The following PTCD3 variants were observed in gnomAD, a reference collection of about 807,000 sequenced individuals.
PTCD3 encodes the protein small ribosomal subunit protein mS39.
Under a neutral mutation model 101.9 loss-of-function variants are expected in PTCD3, and 89 were observed. The ratio of observed to expected loss-of-function variants is 0.87; its 90% confidence interval spans 0.74 to 1.04. PTCD3 has a LOEUF of 1.04. PTCD3 is among the 50% of genes least tolerant of loss of function. The pLI, the probability that PTCD3 is intolerant of heterozygous loss-of-function variation, is 0.00. For synonymous variants in PTCD3, 296 were observed against 278.5 expected (o/e 1.06, Z -0.63); for missense variants, 870 against 828.2 (o/e 1.05, Z -0.62).
chr2:86,133,156 A>G (rs1037463253), intron 17 of PTCD3, 22 bp from the exon 18 acceptor site: 2 of 1,610,756 alleles, frequency 1.2e-6, no homozygotes, highest in Non-Finnish European at 1.7e-6. Context: ...TAGACTAAAC[A>G]TACTTTTTGC....
At chr2:86,123,344 T>C (rs909094572) in intron 8 of PTCD3, among the ~76,000 whole-genome samples, 2 of 152,172 alleles carry the variant, frequency 1.3e-5, no homozygotes, top group Non-Finnish European at 1.5e-5. Context: ...GCTTTCACCC[T>C]AATTATGACA....
chr2:86,127,514 G>C lies in PTCD3; in HGVS notation c.1096+209G>C, dbSNP rs911465591. ...TGTTCATTAGTATTTTAGGTACTTT[G>C]TTTATGGATCTGTTGAATCTGAGGA... On this transcript the variant is annotated intron_variant, in intron 13 of 23. Transcript: ENST00000254630. 3 of 558,648 alleles carry C rather than the reference G, an allele frequency of 5.4e-6. No homozygotes were observed. In the African/African-American group the frequency reaches 5.7e-5, roughly 11 times the overall value. 34.6% of individuals were successfully genotyped at this position (558,648 alleles called of 1,614,324 possible).
At chr2:86,130,941 G>C in intron 15 of PTCD3, 137 bp from the exon 16 acceptor site, 2 of 1,399,738 alleles carry the variant, frequency 1.4e-6, no homozygotes, top group Admixed American at 2.8e-5. Flanking sequence ...GTACATTCCT[G>C]CCTCTCTTAA....
chr2:86,138,649 C>G lies in PTCD3; in HGVS notation c.*1090C>G, dbSNP rs1485066811. 3.5e-5 allele frequency: 5 copies of G among 144,680 alleles called. No individual in the cohort carries two copies. The highest frequency in any genetic ancestry group is 1.5e-5 in the Non-Finnish European group (1 of 66,808). 9.0% of individuals were successfully genotyped at this position (144,680 alleles called of 1,614,324 possible). A position where few individuals can be genotyped will look rare whatever the true frequency, so the allele number is the denominator to read the frequency against. The stretch of plus-strand genomic sequence containing the variant: ...TGGTTTTTGTTTTCTCTTGGAATGT[C>G]AGGTCTTAAGGCATTTAATTGAGGG... On this transcript the variant is annotated 3_prime_UTR_variant, in exon 24 of 24. Transcript: ENST00000254630.
At position 86,138,013 on chromosome 2, in the gene PTCD3, G is replaced by C. The variant is rs1374892286; in HGVS notation, c.*454G>C. On this transcript the variant is annotated 3_prime_UTR_variant, in exon 24 of 24. Transcript: ENST00000254630. The stretch of plus-strand genomic sequence containing the variant: ...TAACACAGTTGGGGTTGGGTCAATA[G>C]TTTCCCAATTTCAGGATATTTCGAT... The C allele has an allele frequency of 1.3e-5, 2 of 159,856 alleles. No individual in the cohort carries two copies. The highest frequency in any genetic ancestry group is 4.8e-5 in the African/African-American group (2 of 41,750). The allele number at this position is 159,856 out of a possible 1,614,324, so 9.9% of individuals were successfully genotyped here.
At position 86,133,200 on chromosome 2, in the gene PTCD3, T is replaced by A; in HGVS notation, c.1396T>A (p.Cys466Ser). ...CAGTTCCAAGTTCTTCGATTTGATT[T>A]GTCTAATGGAACAAATTGATGTTAC... ...FYYSKFFDLI[C>S]LMEQIDVTLK... The change falls in exon 18 of 24, where the codon TGT becomes AGT. Residue 466 changes from cysteine to serine, a missense_variant. By Grantham distance (112) the Cys-to-Ser change is moderately radical. Coordinates refer to ENST00000254630, the MANE Select transcript of PTCD3 (RefSeq NM_017952.6). 1 of 1,614,066 alleles carries A rather than the reference T, an allele frequency of 6.2e-7. No homozygotes were observed. The highest frequency in any genetic ancestry group is 8.5e-7 in the Non-Finnish European group (1 of 1,179,988).
chr2:86,119,885 G>A (rs1200350693), intron 7 of PTCD3, among the ~76,000 whole-genome samples: 1 of 152,160 alleles, frequency 6.6e-6, no homozygotes. Flanking sequence ...AGCTACACAC[G>A]TAAATAGCAC....
chr2:86,121,360 C>T, intron 7 of PTCD3, 119 bp from the exon 8 acceptor site: 3 of 592,130 alleles, frequency 5.1e-6, no homozygotes, highest in Non-Finnish European at 8.8e-6. Flanking sequence ...TAGTGGACAA[C>T]ATTAAGTGTG....
chr2:86,136,935 T>G (rs1004667090), intron 22 of PTCD3, 47 bp from the exon 23 acceptor site: 18 of 1,607,708 alleles, frequency 1.1e-5, no homozygotes, highest in Non-Finnish European at 1.4e-5. Context: ...TATAAATGTT[T>G]TACTGAAGGG....
Position 86,117,142 on chromosome 2 carries a change from G to A in PTCD3, c.397G>A (p.Ala133Thr). Residue 133 changes from alanine to threonine, a missense_variant, in exon 6 of 24, where the codon GCT (alanine) becomes ACT (threonine). Coordinates refer to ENST00000254630, the MANE Select transcript of PTCD3 (RefSeq NM_017952.6). ...CCCCAAATATTTTCAGAAGGACATA[G>A]CTGAACCTCATATACCGGTAAGGAG... ...SYPKYFQKDIAEPHIPCLMPE... is the reference protein window; with the variant it reads ...SYPKYFQKDITEPHIPCLMPE... The A allele has an allele frequency of 7.8e-7, 1 of 1,281,480 alleles. No homozygotes were observed. Among genetic ancestry groups the A allele is most frequent in the Non-Finnish European group, 1.1e-6 (1 of 877,134 alleles). 79.4% of individuals were successfully genotyped at this position (1,281,480 alleles called of 1,614,324 possible).
chr2:86,128,616 C>T (rs528780965), intron 14 of PTCD3, among the ~76,000 whole-genome samples: 1 of 152,260 alleles, frequency 6.6e-6, no homozygotes, highest in African/African-American at 2.4e-5. Flanking sequence ...AGTTTGTGGA[C>T]GTTTCTGCTC....
chr2:86,129,622 A>G (rs1273302089), intron 14 of PTCD3, among the ~76,000 whole-genome samples: 1 of 152,208 alleles, frequency 6.6e-6, no homozygotes, highest in Non-Finnish European at 1.5e-5. Context: ...AGCCTAGGTG[A>G]CAGAGCAAGA....
chr2:86,116,507 A>G, intron 4 of PTCD3, 23 bp from the exon 5 acceptor site: 1 of 1,573,714 alleles, frequency 6.4e-7, no homozygotes. Flanking sequence ...AAATATAGAA[A>G]TTGTATTATG....
intron 1 of PTCD3, among the ~76,000 whole-genome samples, chr2:86,106,871 ATCTGTGTAATTTTT>A (rs1260818127): frequency 6.6e-6 from 1 of 152,150 alleles, no homozygotes; most frequent in African/African-American, 2.4e-5. Flanking sequence ...TGTATGACCT[ATCTGTGTAATTTTT>A]TTTTCACTCA....
chr2:86,108,577 G>T (rs775614304), intron 3 of PTCD3, 41 bp downstream of exon 3: 36 of 1,547,418 alleles, frequency 2.3e-5, no homozygotes, highest in Non-Finnish European at 3.1e-5. Flanking sequence ...ATGGTTGAGT[G>T]CTTACTATGA....
At chr2:86,129,243 C>G (rs573442442) in intron 14 of PTCD3, among the ~76,000 whole-genome samples, 5 of 152,324 alleles carry the variant, frequency 3.3e-5, no homozygotes, top group Admixed American at 6.5e-5. Context: ...TAACTCTCAT[C>G]ACTGGTTCAA....
intron 22 of PTCD3, chr2:86,136,769 C>G: frequency 2.5e-6 from 2 of 800,666 alleles, no homozygotes; most frequent in East Asian, 4.9e-5. Context: ...TTGAATAGAT[C>G]ATCATGAAGT....
intron 15 of PTCD3, 22 bp from the exon 16 acceptor site, chr2:86,131,056 T>C (rs1319928128): frequency 1.6e-5 from 25 of 1,599,392 alleles, no homozygotes; most frequent in Non-Finnish European, 2.0e-5. Flanking sequence ...TAACCAAAGC[T>C]CTTGTGAACT....
chr2:86,125,807 C>T lies in PTCD3; in HGVS notation c.878C>T (p.Thr293Ile), dbSNP rs757529943. 12 of 1,605,272 alleles carry T rather than the reference C, an allele frequency of 7.5e-6. No homozygotes were observed. In the South Asian group the frequency reaches 1.1e-4, roughly 15 times the overall value. ...TATTATTTTACAGCTGATGTATACACATTTAATGCATTGATTGAAGCAACA... is the reference window on the plus strand; with the variant it reads ...TATTATTTTACAGCTGATGTATACATATTTAATGCATTGATTGAAGCAACA... ...LNNRLHADVY[T>I]FNALIEATVC... Residue 293 changes from threonine (T) to isoleucine (I), a missense_variant, in exon 12 of 24, where the codon ACA becomes ATA. Thr to Ile is a moderately conservative substitution (Grantham distance 89). Transcript: ENST00000254630.
Sources: gnomAD v4.1 joint callset for allele counts (sites outside exome capture counted in the v4.1 genomes callset) on GRCh38, gnomAD v4.1.1 for gene constraint, MANE v1.5 for transcripts, NCBI Gene and HGNC (gene_info 2026-07-23, HGNC 2026-07-21) for gene names.